The following ODAD2 variants were observed in gnomAD, a reference collection of about 807,000 sequenced individuals.
ODAD2 encodes the protein outer dynein arm docking complex subunit 2, also known as outer dynein arm-docking complex subunit 2.
A neutral mutation model predicts 106.8 loss-of-function variants in ODAD2; 89 were observed. The ratio of observed to expected loss-of-function variants is 0.83; its 90% confidence interval spans 0.70 to 0.99. ODAD2 has a LOEUF of 0.99. Among genes scored for constraint, ODAD2 ranks in the 50% least tolerant of loss-of-function variants. The pLI is 0.00. For missense variants in ODAD2, 1,168 were observed against 1,238.5 expected (o/e 0.94, Z 0.85); for synonymous variants, 404 against 436.2 (o/e 0.93, Z 0.92).
intron 19 of ODAD2, among the ~76,000 whole-genome samples, chr10:27,855,798 C>A (rs954050542): frequency 6.6e-6 from 1 of 152,196 alleles, no homozygotes; most frequent in African/African-American, 2.4e-5. Context: ...TCTCCACTCA[C>A]TCTGCCAATG....
intron 19 of ODAD2, among the ~76,000 whole-genome samples, chr10:27,852,835 C>T (rs1839364883): frequency 6.6e-6 from 1 of 151,920 alleles, no homozygotes; most frequent in African/African-American, 2.4e-5. Context: ...GTGGCATGAG[C>T]CTGTAATCTC....
At position 27,949,707 on chromosome 10, in the gene ODAD2, T is replaced by C. The variant is rs539780883; in HGVS notation, c.1387-4745A>G. ...CAAGATTGGCCAATGTAATTTACAA[T>C]GATGTCATTTATAAAAGATCACTCT... On this transcript the variant is annotated intron_variant, in intron 10 of 19. Transcript: ENST00000305242. Among the ~76,000 whole-genome samples, 12 of 152,226 alleles carry C rather than the reference T, an allele frequency of 7.9e-5. No individual in the cohort carries two copies. The East Asian group carries it at 2.1e-3, about 27-fold the overall frequency.
chr10:27,985,116 C>T lies in ODAD2; in HGVS notation c.478G>A (p.Asp160Asn). The change falls in exon 4 of 20, where the codon GAT becomes AAT. Residue 160 changes from aspartate to asparagine, a missense_variant. Physicochemically the swap from Asp to Asn is conservative, Grantham distance 23. Transcript: ENST00000305242. ...TTAATTTCACTTTCAGGATCATCAT[C>T]TCTGGTAATTTTGCCAAGAATATTT... ...ALNILGKITR[D>N]DDPESEIKMK... 6.2e-7 allele frequency: 1 copy of T among 1,602,090 alleles called. No individual in the cohort carries two copies. The highest frequency in any genetic ancestry group is 8.5e-7 in the Non-Finnish European group (1 of 1,174,062).
chr10:27,851,132 T>C lies in ODAD2; in HGVS notation c.3021+9493A>G, dbSNP rs544996490. 4.6e-5 allele frequency among the ~76,000 whole-genome samples: 7 copies of C among 152,254 alleles called. No individual in the cohort carries two copies. The South Asian group carries it at 1.5e-3, about 32-fold the overall frequency. On this transcript the variant is annotated intron_variant, in intron 19 of 19. Transcript: ENST00000305242. ...GAAAAGATTAGAAGGAATAATCTTC[T>C]AAACTCCTGCAAGGGGAGGAACAGT...
intron 17 of ODAD2, among the ~76,000 whole-genome samples, chr10:27,866,971 C>T (rs1044814826): frequency 6.6e-6 from 1 of 152,044 alleles, no homozygotes; most frequent in Non-Finnish European, 1.5e-5. Context: ...GACAAAATCA[C>T]AGAACTTCTT....
At chr10:27,943,004 G>A (rs4628591) in intron 12 of ODAD2, among the ~76,000 whole-genome samples, 4 of 151,878 alleles carry the variant, frequency 2.6e-5, no homozygotes, top group Admixed American at 2.0e-4. Flanking sequence ...TTTATTAACC[G>A]TTCATACGGG....
chr10:27,984,292 T>A lies in ODAD2; in HGVS notation c.576-2A>T, dbSNP rs149274011. On this transcript the variant is annotated splice_acceptor_variant, in intron 4 of 19. Coordinates refer to ENST00000305242, the MANE Select transcript of ODAD2 (RefSeq NM_018076.5). LOFTEE classifies it high-confidence loss of function. ...GTCATGGGACTTAAACTTATTTCTC[T>A]GAAATAAATGTTTAAAATGTCAGCT... The A allele has an allele frequency of 1.3e-4, 204 of 1,578,328 alleles. No homozygotes were observed. Among genetic ancestry groups the A allele is most frequent in the Non-Finnish European group, 1.7e-4 (195 of 1,148,342 alleles).
chr10:27,831,271 A>G lies in ODAD2; in HGVS notation c.3022-18646T>C, dbSNP rs188600633. Among the ~76,000 whole-genome samples the G allele has an allele frequency of 1.1e-3, 161 of 152,328 alleles. No homozygotes were observed. In the Middle Eastern group the frequency reaches 0.02, roughly 19 times the overall value. On this transcript the variant is annotated intron_variant, in intron 19 of 19. Coordinates refer to ENST00000305242, the MANE Select transcript of ODAD2 (RefSeq NM_018076.5). The stretch of plus-strand genomic sequence containing the variant: ...AAATGCTCTATGAATTGGAGGCAAC[A>G]TTTATAAAATATTAAATCTGTACAT...
intron 7 of ODAD2, among the ~76,000 whole-genome samples, chr10:27,976,063 C>T (rs1050072795): frequency 4.6e-5 from 7 of 152,038 alleles, no homozygotes; most frequent in African/African-American, 1.2e-4. Flanking sequence ...CTCCACAGTA[C>T]ACAAAGAAAC....
At chr10:27,843,723 C>T (rs1447146687) in intron 19 of ODAD2, among the ~76,000 whole-genome samples, 2 of 151,926 alleles carry the variant, frequency 1.3e-5, no homozygotes, top group East Asian at 3.9e-4. Context: ...GCCGAGATCA[C>T]ACCATTGCAC....
intron 2 of ODAD2, among the ~76,000 whole-genome samples, chr10:27,989,318 T>C (rs1418675525): frequency 6.6e-6 from 1 of 152,196 alleles, no homozygotes; most frequent in Non-Finnish European, 1.5e-5. Context: ...AGATAGGAAC[T>C]GCACATAGAA....
chr10:27,900,762 G>A (rs1589965501), intron 17 of ODAD2, among the ~76,000 whole-genome samples: 3 of 152,102 alleles, frequency 2.0e-5, no homozygotes, highest in African/African-American at 7.2e-5. Context: ...CAAGATTAGA[G>A]AAAAAAGAAT....
At chr10:27,874,224 A>C (rs59829710) in intron 17 of ODAD2, among the ~76,000 whole-genome samples, 9,664 of 151,740 alleles carry the variant, frequency 0.064, 1,018 homozygotes, top group African/African-American at 0.22. Flanking sequence ...CTTCCTCCAT[A>C]CCTTTATTTT....
Position 27,987,485 on chromosome 10 carries a change from A to G in ODAD2, c.283T>C (p.Ser95Pro). ...CTCCTAATTTTAATTTGTGGTACAG[A>G]GAGAAATAGCAAAGGCTGTCCATTT... ...DKNGQPLLFL[S>P]VPQIKIRSFG... The change falls in exon 3 of 20, where the codon TCT (serine) becomes CCT (proline). Residue 95 changes from serine (S) to proline (P), a missense_variant. By Grantham distance (74) the Ser-to-Pro change is moderately conservative. Around this residue, in one of 3 missense-constraint regions of ODAD2, gnomAD observed 430 missense variants for 452.2 expected, o/e 0.95. Transcript: ENST00000305242. 1 of 1,613,754 alleles carries G rather than the reference A, an allele frequency of 6.2e-7. No homozygotes were observed. Among genetic ancestry groups the G allele is most frequent in the Non-Finnish European group, 8.5e-7 (1 of 1,179,742 alleles).
At chr10:27,881,636 C>T (rs58638553) in intron 17 of ODAD2, among the ~76,000 whole-genome samples, 2,864 of 151,620 alleles carry the variant, frequency 0.019, 99 homozygotes, top group African/African-American at 0.066. Context: ...AATCCCGTCT[C>T]AAAAAAACAC....
At chr10:27,951,918 T>C (rs2132713105) in intron 10 of ODAD2, among the ~76,000 whole-genome samples, 1 of 151,192 alleles carries the variant, frequency 6.6e-6, no homozygotes, top group Non-Finnish European at 1.5e-5. Context: ...CTACTAAAAA[T>C]ACAAAAATTA....
intron 16 of ODAD2, among the ~76,000 whole-genome samples, chr10:27,926,254 T>A: frequency 6.6e-6 from 1 of 152,022 alleles, no homozygotes; most frequent in Admixed American, 6.6e-5. Flanking sequence ...CCATAGTTTA[T>A]CAAACATTGT....
At chr10:27,953,060 A>G (rs2132727683) in intron 10 of ODAD2, among the ~76,000 whole-genome samples, 1 of 152,346 alleles carries the variant, frequency 6.6e-6, no homozygotes, top group Non-Finnish European at 1.5e-5. Flanking sequence ...GAGTTTGGGT[A>G]TATGCATATA....
chr10:27,914,149 T>TA (rs1440147485), intron 16 of ODAD2, among the ~76,000 whole-genome samples: 1 of 151,936 alleles, frequency 6.6e-6, no homozygotes, highest in Non-Finnish European at 1.5e-5. Context: ...TACACAGCCA[T>TA]AAAAAAGAAT....
Sources: gnomAD v4.1 joint callset for allele counts (sites outside exome capture counted in the v4.1 genomes callset) on GRCh38, gnomAD v4.1.1 for gene constraint, gnomAD v4.1.1 regional missense constraint, MANE v1.5 for transcripts, NCBI Gene and HGNC (gene_info 2026-07-23, HGNC 2026-07-21) for gene names.